EML5: variants seen among roughly 807,000 people sequenced by gnomAD.
EML5 encodes echinoderm microtubule-associated protein-like 5.
EML5 carries 120 observed loss-of-function variants against 250.0 expected under a neutral mutation model. The observed-to-expected ratio is 0.48, with a 90% CI of 0.41 to 0.56. EML5 has a LOEUF of 0.56. EML5 is among the 20% of genes least tolerant of loss of function. The probability of loss-of-function intolerance (pLI) is 0.00; values close to 1 mark genes in which losing one functional copy is unlikely to be tolerated. For missense variants in EML5, 2,006 were observed against 2,437.6 expected, an observed-to-expected ratio of 0.82 and a Z score of 3.73; for synonymous variants, 771 against 806.5, an observed-to-expected ratio of 0.96 and a Z score of 0.75.
rs1278161965 is a variant in EML5, at chr14:88,715,209, A to G, written c.1188-14T>C. ...TCCGTCATATCTCTGTTAAAAAGAA[A>G]AAAATGAGACTACATGAACAGAAGT... On this transcript the variant is annotated splice_polypyrimidine_tract_variant and intron_variant, in intron 8 of 43. Coordinates refer to ENST00000554922, the MANE Select transcript of EML5 (RefSeq NM_183387.3). 3 of 1,564,416 alleles carry G rather than the reference A, an allele frequency of 1.9e-6. No individual in the cohort carries two copies. The highest frequency in any genetic ancestry group is 3.8e-5 in the Admixed American group (2 of 51,950).
At chr14:88,778,357 A>C (rs1276668583) in intron 1 of EML5, among the ~76,000 whole-genome samples, 2 of 152,242 alleles carry the variant, frequency 1.3e-5, no homozygotes, top group Non-Finnish European at 2.9e-5. Flanking sequence ...TCAGGTACAC[A>C]AGAGTTAAAA....
Position 88,702,580 on chromosome 14 carries a change from T to C in EML5, c.2104A>G (p.Ile702Val). ...SNLFYTQIGE[I>V]VYHVAAVGVI... The stretch of plus-strand genomic sequence containing the variant: ...CCCACTGCTGCCACATGGTACACAA[T>C]TTCACCAATTTGAGTATAAAACAGA... The change falls in exon 14 of 44, where the codon ATT becomes GTT. Residue 702 changes from isoleucine (I) to valine (V), a missense_variant. Physicochemically the swap from Ile to Val is conservative, Grantham distance 29 (BLOSUM62 3). This residue lies in a region of EML5 where 1,375 missense variants were observed against 1,590.3 expected (regional missense o/e 0.86). Coordinates refer to ENST00000554922, the MANE Select transcript of EML5 (RefSeq NM_183387.3). 3 of 1,611,452 alleles carry C rather than the reference T, an allele frequency of 1.9e-6. No individual in the cohort carries two copies. The highest frequency in any genetic ancestry group is 2.5e-6 in the Non-Finnish European group (3 of 1,178,656).
intron 1 of EML5, among the ~76,000 whole-genome samples, chr14:88,769,997 A>C (rs1422625638): frequency 6.6e-6 from 1 of 150,648 alleles, no homozygotes; most frequent in Non-Finnish European, 1.5e-5. Context: ...TTATCCTTAC[A>C]GTTAAGATAC....
chr14:88,777,486 G>C (rs1379476524), intron 1 of EML5, among the ~76,000 whole-genome samples: 1 of 152,144 alleles, frequency 6.6e-6, no homozygotes, highest in Non-Finnish European at 1.5e-5. Flanking sequence ...GTAATCCCAA[G>C]TGGGTTTTGA....
In EML5 at chr14:88,664,557, A is replaced by G; in HGVS notation, c.3345T>C (p.Ser1115=). Residue 1115 remains serine, a synonymous_variant, in exon 23 of 44, where the codon AGT becomes AGC. Transcript: ENST00000554922. ...CTCCTTTGCATATTCCTACTCGTTT[A>G]CTACTCATTACATTGTATATATCTA... The part of the protein sequence containing the change: ...SFIDIYNVMS[S]KRVGICKGAT... 6.2e-7 allele frequency: 1 copy of G among 1,611,382 alleles called. No homozygotes were observed. Among genetic ancestry groups the G allele is most frequent in the East Asian group, 2.2e-5 (1 of 44,686 alleles).
chr14:88,695,873 G>C (rs1425576080), intron 15 of EML5, among the ~76,000 whole-genome samples: 1 of 151,940 alleles, frequency 6.6e-6, no homozygotes, highest in Non-Finnish European at 1.5e-5. Context: ...TGAAAAACAC[G>C]TAAGTTACAA....
chr14:88,679,909 C>T (rs1567110876), intron 21 of EML5, among the ~76,000 whole-genome samples: 1 of 152,002 alleles, frequency 6.6e-6, no homozygotes, highest in Non-Finnish European at 1.5e-5. Context: ...TAGTAAGGGC[C>T]TTTTAGGCCA....
intron 2 of EML5, among the ~76,000 whole-genome samples, chr14:88,749,032 A>G (rs2094051290): frequency 6.6e-6 from 1 of 152,098 alleles, no homozygotes; most frequent in Admixed American, 6.6e-5. Flanking sequence ...AATAGTAAAA[A>G]GTTTCCTAAA....
chr14:88,658,075 GTACCAC>G lies in EML5; in HGVS notation c.3877+106_3877+111del, dbSNP rs980426650. On this transcript the variant is annotated intron_variant, in intron 26 of 43. Coordinates refer to ENST00000554922, the MANE Select transcript of EML5 (RefSeq NM_183387.3). ...TTTGATGTTAAACAGACTAAAAACA[GTACCAC>G]TACAATTATTCAAACATTATTATTA... is the stretch of plus-strand genomic sequence containing the variant. 2.8e-5 allele frequency: 27 copies of G among 975,914 alleles called. No individual in the cohort carries two copies. In the African/African-American group the frequency reaches 6.0e-4, roughly 22 times the overall value. The allele number at this position is 975,914 out of a possible 1,614,324, so 60.5% of individuals were successfully genotyped here. A position where few individuals can be genotyped will look rare whatever the true frequency, so the allele number is the denominator to read the frequency against.
intron 1 of EML5, among the ~76,000 whole-genome samples, chr14:88,782,292 T>G (rs542759771): frequency 6.6e-6 from 1 of 152,260 alleles, no homozygotes; most frequent in South Asian, 2.1e-4. Context: ...ATTTAGGGTA[T>G]CTGGTGGAAG....
At chr14:88,742,608 C>A (rs2093940584) in intron 4 of EML5, among the ~76,000 whole-genome samples, 1 of 152,060 alleles carries the variant, frequency 6.6e-6, no homozygotes, top group Admixed American at 6.5e-5. Context: ...TCTCCTTATT[C>A]ATAATTAATT....
chr14:88,661,659 T>C lies in EML5; in HGVS notation c.3670A>G (p.Thr1224Ala), dbSNP rs2092105475. 1.2e-6 allele frequency: 2 copies of C among 1,611,652 alleles called. No homozygotes were observed. Among genetic ancestry groups the C allele is most frequent in the African/African-American group, 1.3e-5 (1 of 74,886 alleles). ...LGFVKLFRYPTKGKFGKFKRY... is the reference protein window; with the variant it reads ...LGFVKLFRYPAKGKFGKFKRY... ...AGTTAAAGAAAAACACATACTTTAG[T>C]AGGATATCTAAATAACTTCACAAAT... The change falls in exon 25 of 44, where the codon ACT becomes GCT. Residue 1224 changes from threonine to alanine, a missense_variant. Coordinates refer to ENST00000554922, the MANE Select transcript of EML5 (RefSeq NM_183387.3).
intron 24 of EML5, 80 bp downstream of exon 24, chr14:88,662,951 T>C: frequency 9.8e-7 from 1 of 1,025,544 alleles, no homozygotes; most frequent in Non-Finnish European, 1.4e-6. Context: ...CACGTGTAAC[T>C]AAACGATAGA....
chr14:88,635,949 A>G (rs990390661), intron 32 of EML5, among the ~76,000 whole-genome samples: 24 of 152,204 alleles, frequency 1.6e-4, no homozygotes, highest in Admixed American at 2.0e-4. Flanking sequence ...CAACTTGACC[A>G]TGCTGGCACC....
chr14:88,761,655 A>G (rs954239909), intron 1 of EML5, among the ~76,000 whole-genome samples: 11 of 152,218 alleles, frequency 7.2e-5, no homozygotes, highest in African/African-American at 2.7e-4. Context: ...TGTAATAAAC[A>G]TACATGTGCA....
At chr14:88,735,397 G>A (rs888802881) in intron 7 of EML5, among the ~76,000 whole-genome samples, 3 of 151,992 alleles carry the variant, frequency 2.0e-5, no homozygotes, top group African/African-American at 7.2e-5. Context: ...TGAACTAACA[G>A]AAAATAGGCA....
chr14:88,702,365 T>C, intron 14 of EML5, 81 bp downstream of exon 14: 1 of 1,089,596 alleles, frequency 9.2e-7, no homozygotes, highest in South Asian at 2.2e-5. Flanking sequence ...TCCTAGAACA[T>C]AAAAGAGATA....
At chr14:88,671,808 G>A (rs1225516646) in intron 21 of EML5, among the ~76,000 whole-genome samples, 1 of 152,090 alleles carries the variant, frequency 6.6e-6, no homozygotes, top group Non-Finnish European at 1.5e-5. Context: ...ACAAAGATGG[G>A]CATTGTATAA....
intron 28 of EML5, among the ~76,000 whole-genome samples, chr14:88,649,419 T>C (rs188075108): frequency 7.0e-4 from 106 of 152,298 alleles, no homozygotes; most frequent in African/African-American, 2.4e-3. Context: ...AGAAACTCTT[T>C]CAAGACATTT....
Sources: allele counts gnomAD v4.1 joint callset (sites outside exome capture counted in the v4.1 genomes callset), GRCh38; gene constraint gnomAD v4.1.1; regional missense constraint gnomAD v4.1.1; transcripts MANE v1.5; gene names NCBI Gene and HGNC (gene_info 2026-07-23, HGNC 2026-07-21).